STX18: variants seen among roughly 807,000 people sequenced by gnomAD.
The protein encoded by STX18 is syntaxin-18.
Under a neutral mutation model 50.1 loss-of-function variants are expected in STX18, and 40 were observed. The observed-to-expected ratio is 0.80, with a 90% CI of 0.62 to 1.04. The LOEUF (loss-of-function observed/expected upper bound fraction) is 1.04. Ranked by LOEUF, STX18 falls within the 50% of genes least tolerant of loss-of-function variation. The pLI, the probability that STX18 is intolerant of heterozygous loss-of-function variation, is 0.00. For missense variants in STX18, 410 were observed against 415.8 expected, an observed-to-expected ratio of 0.99 and a Z score of 0.12; for synonymous variants, 158 against 151.8, an observed-to-expected ratio of 1.04 and a Z score of -0.30.
At chr4:4,429,819 C>T (rs868092594) in intron 7 of STX18, among the ~76,000 whole-genome samples, 4 of 152,196 alleles carry the variant, frequency 2.6e-5, no homozygotes, top group Admixed American at 6.5e-5. Flanking sequence ...TGAAAACTGG[C>T]GAGCCCTGCC....
intron 1 of STX18, among the ~76,000 whole-genome samples, chr4:4,514,504 T>TAG (rs1271562199): frequency 6.6e-6 from 1 of 152,230 alleles, no homozygotes; most frequent in African/African-American, 2.4e-5. Flanking sequence ...TCTTCACTCC[T>TAG]ACCTTTCAAT....
intron 7 of STX18, 53 bp downstream of exon 7, chr4:4,434,717 C>G (rs1725686577): frequency 2.7e-6 from 4 of 1,462,758 alleles, no homozygotes; most frequent in Middle Eastern, 3.5e-4. Context: ...CTTAGTGAAA[C>G]AGTCTTATGA....
At chr4:4,464,221 C>T (rs1577346408) in intron 2 of STX18, among the ~76,000 whole-genome samples, 1 of 152,100 alleles carries the variant, frequency 6.6e-6, no homozygotes, top group African/African-American at 2.4e-5. Context: ...GGTAAAATGC[C>T]ATCCTAAAGC....
chr4:4,421,993 G>A (rs1382180325), intron 9 of STX18, among the ~76,000 whole-genome samples: 1 of 152,148 alleles, frequency 6.6e-6, no homozygotes, highest in African/African-American at 2.4e-5. Flanking sequence ...TTCGGTGGTG[G>A]TGAAGCTGCT....
intron 1 of STX18, among the ~76,000 whole-genome samples, chr4:4,538,816 G>GTA (rs1316144284): frequency 6.6e-6 from 1 of 152,102 alleles, no homozygotes; most frequent in East Asian, 1.9e-4. Context: ...ATCCTCACTA[G>GTA]TCCCACACTT....
rs529003410 is a variant in STX18, at chr4:4,421,000, C to A, written c.832-56G>T. Reference sequence around the variant, plus strand: ...TATCCTTTATCCAAAAACCTGAAACCCAAAATGCTCCAACGAGCATTTCCT... The same window carrying A: ...TATCCTTTATCCAAAAACCTGAAACACAAAATGCTCCAACGAGCATTTCCT... On this transcript the variant is annotated intron_variant, in intron 9 of 10. Coordinates refer to ENST00000306200, the MANE Select transcript of STX18 (RefSeq NM_016930.4). This position sits in a 1 kb window ranked among gnomAD's most constrained non-coding sequence, Gnocchi z 4.3. The A allele has an allele frequency of 2.2e-5, 33 of 1,532,840 alleles. No homozygotes were observed. Among genetic ancestry groups the A allele is most frequent in the Non-Finnish European group, 2.9e-5 (32 of 1,109,046 alleles). 95.0% of individuals were successfully genotyped at this position (1,532,840 alleles called of 1,614,324 possible).
intron 7 of STX18, among the ~76,000 whole-genome samples, chr4:4,432,654 G>A (rs1208888839): frequency 1.3e-5 from 2 of 152,228 alleles, no homozygotes; most frequent in Non-Finnish European, 2.9e-5. Context: ...GAGGGCCCAG[G>A]GCTGCAATGA....
rs1222541535 is a variant in STX18, at chr4:4,420,494, C to A, written c.913-365G>T. ...AGGACTGAGCTTGGGAAACAGTCCC[C>A]TCAACAGGATGGCTGTAGTGTCCTC... is the stretch of plus-strand genomic sequence containing the variant. On this transcript the variant is annotated intron_variant, in intron 10 of 10. Coordinates refer to ENST00000306200, the MANE Select transcript of STX18 (RefSeq NM_016930.4). The surrounding 1 kb of genome is among the most constrained non-coding windows in gnomAD (Gnocchi z 4.3). 2 of 394,294 alleles carry A rather than the reference C, an allele frequency of 5.1e-6. No individual in the cohort carries two copies. The highest frequency in any genetic ancestry group is 4.0e-5 in the African/African-American group (2 of 49,398). The allele number at this position is 394,294 out of a possible 1,614,324, so 24.4% of individuals were successfully genotyped here.
At chr4:4,457,105 C>T (rs1727120753) in intron 5 of STX18, 86 bp downstream of exon 5, 22 of 1,270,136 alleles carry the variant, frequency 1.7e-5, no homozygotes, top group Non-Finnish European at 2.5e-5. Context: ...CGGTACATTG[C>T]ATAGGGTAAG....
chr4:4,467,476 G>A (rs947761252), intron 2 of STX18, among the ~76,000 whole-genome samples: 5 of 152,154 alleles, frequency 3.3e-5, no homozygotes, highest in Admixed American at 6.5e-5. Flanking sequence ...GCATACTGGT[G>A]AGAGAGGAAG....
Position 4,423,553 on chromosome 4 carries a change from G to A in STX18, c.796C>T (p.Leu266Phe), listed in dbSNP as rs780419500. Residue 266 changes from leucine to phenylalanine, a missense_variant, in exon 9 of 11, where the codon CTC (leucine) becomes TTC (phenylalanine). Leu to Phe is a conservative substitution (Grantham distance 22). Coordinates refer to ENST00000306200, the MANE Select transcript of STX18 (RefSeq NM_016930.4). ...IEGRVVEISRLQEIFTEKVLQ... is the reference protein window; with the variant it reads ...IEGRVVEISRFQEIFTEKVLQ... The stretch of plus-strand genomic sequence containing the variant: ...ACCTTTTCCGTGAATATCTCTTGGA[G>A]TCTGGAAATCTCAACCACTCTCCCT... 3 of 1,614,188 alleles carry A rather than the reference G, an allele frequency of 1.9e-6. No individual in the cohort carries two copies. The highest frequency in any genetic ancestry group is 2.2e-5 in the South Asian group (2 of 91,078).
chr4:4,505,725 G>T (rs1437835275), intron 1 of STX18, among the ~76,000 whole-genome samples: 1 of 152,154 alleles, frequency 6.6e-6, no homozygotes, highest in Non-Finnish European at 1.5e-5. Context: ...GGAGGTGGAG[G>T]TTGCAGTGAT....
chr4:4,523,847 G>A (rs757177026), intron 1 of STX18, among the ~76,000 whole-genome samples: 1 of 151,934 alleles, frequency 6.6e-6, no homozygotes. Flanking sequence ...CATGGCCTTC[G>A]AGATAATGCC....
chr4:4,537,791 C>G (rs1731410062), intron 1 of STX18, among the ~76,000 whole-genome samples: 1 of 152,152 alleles, frequency 6.6e-6, no homozygotes, highest in Non-Finnish European at 1.5e-5. Flanking sequence ...TCCCCAAGTT[C>G]ATATAACAGA....
In STX18 at chr4:4,466,346, G is replaced by A. The variant is rs764606403; in HGVS notation, c.236+5293C>T. Among the ~76,000 whole-genome samples, 12 of 152,184 alleles carry A rather than the reference G, an allele frequency of 7.9e-5. No individual in the cohort carries two copies. In the South Asian group the frequency reaches 1.0e-3, roughly 13 times the overall value. ...ACAAATGTTAATTCTGAATGCAGCT[G>A]TAGGGCACATGAAGGAAAGGGGTAG... On this transcript the variant is annotated intron_variant, in intron 2 of 10. Transcript: ENST00000306200.
chr4:4,483,710 T>G (rs1040832606), intron 1 of STX18, among the ~76,000 whole-genome samples: 1 of 152,196 alleles, frequency 6.6e-6, no homozygotes, highest in South Asian at 2.1e-4. Context: ...AAGAGCAGCA[T>G]GATAGGGCAC....
At chr4:4,517,162 C>T (rs991829247) in intron 1 of STX18, among the ~76,000 whole-genome samples, 1 of 152,190 alleles carries the variant, frequency 6.6e-6, no homozygotes, top group African/African-American at 2.4e-5. Flanking sequence ...CTGTTCTGAA[C>T]CAGCGGTATT....
At chr4:4,511,990 T>C (rs768039867) in intron 1 of STX18, among the ~76,000 whole-genome samples, 1 of 152,074 alleles carries the variant, frequency 6.6e-6, no homozygotes, top group Non-Finnish European at 1.5e-5. Flanking sequence ...TTTAGCAGCA[T>C]TCCTGGCCTC....
intron 5 of STX18, among the ~76,000 whole-genome samples, chr4:4,447,431 A>C (rs1242108482): frequency 6.6e-6 from 1 of 151,514 alleles, no homozygotes; most frequent in Non-Finnish European, 1.5e-5. Flanking sequence ...CTACTAAAAA[A>C]ATACAAAAAA....
Sources: allele counts gnomAD v4.1 joint callset (sites outside exome capture counted in the v4.1 genomes callset), GRCh38; gene constraint gnomAD v4.1.1; non-coding constraint Gnocchi (gnomAD v3.1); transcripts MANE v1.5; gene names NCBI Gene and HGNC (gene_info 2026-07-23, HGNC 2026-07-21).